SGCG: variants seen among roughly 807,000 people sequenced by gnomAD.
SGCG encodes sarcoglycan gamma.
In SGCG, 26 loss-of-function variants were observed where a neutral mutation model predicts 29.3. The observed-to-expected ratio is 0.89, with a 90% CI of 0.65 to 1.23. SGCG has a LOEUF of 1.23. Among genes scored for constraint, SGCG ranks in the 50% most tolerant of loss-of-function variants. SGCG has a pLI of 0.00. For missense variants in SGCG, 353 were observed against 356.0 expected, an observed-to-expected ratio of 0.99 and a Z score of 0.07; for synonymous variants, 145 against 129.7, an observed-to-expected ratio of 1.12 and a Z score of -0.80.
chr13:23,231,282 G>A (rs778400454), intron 2 of SGCG, among the ~76,000 whole-genome samples: 44 of 151,024 alleles, frequency 2.9e-4, no homozygotes, highest in Non-Finnish European at 1.3e-4. Flanking sequence ...TTGAGTGTCA[G>A]GATAATGCTG....
chr13:23,286,683 TAATAA>T (rs59349511), intron 5 of SGCG, among the ~76,000 whole-genome samples: 1,942 of 120,488 alleles, frequency 0.016, 25 homozygotes, highest in African/African-American at 0.037. Flanking sequence ...CAATAGCTCA[TAATAA>T]AATAAAGCAA....
chr13:23,257,231 T>C (rs1460622929), intron 4 of SGCG, among the ~76,000 whole-genome samples: 1 of 152,174 alleles, frequency 6.6e-6, no homozygotes, highest in African/African-American at 2.4e-5. Context: ...TCGCTTCTTA[T>C]AAATTTGTTT....
At chr13:23,195,781 A>G (rs1877478588) in intron 1 of SGCG, among the ~76,000 whole-genome samples, 1 of 152,020 alleles carries the variant, frequency 6.6e-6, no homozygotes, top group African/African-American at 2.4e-5. Context: ...TGCTATATTT[A>G]GTGTGCTGTG....
intron 6 of SGCG, among the ~76,000 whole-genome samples, chr13:23,296,401 A>G (rs1326499): frequency 0.078 from 11,836 of 152,306 alleles, 606 homozygotes; most frequent in South Asian, 0.13. Context: ...CATTTAGTGT[A>G]TCTCTTTTTT....
At chr13:23,213,695 G>C (rs1241187218) in intron 2 of SGCG, among the ~76,000 whole-genome samples, 4 of 152,160 alleles carry the variant, frequency 2.6e-5, no homozygotes, top group Admixed American at 6.5e-5. Flanking sequence ...AAAACTTACT[G>C]TGATAGTTAT....
intron 1 of SGCG, among the ~76,000 whole-genome samples, chr13:23,186,227 A>G (rs915733789): frequency 3.3e-5 from 5 of 152,162 alleles, no homozygotes; most frequent in Admixed American, 3.3e-4. Flanking sequence ...ACCAGTCCCA[A>G]TGCACTTGTG....
At chr13:23,270,529 T>C (rs1258648875) in intron 4 of SGCG, among the ~76,000 whole-genome samples, 1 of 152,212 alleles carries the variant, frequency 6.6e-6, no homozygotes, top group African/African-American at 2.4e-5. Context: ...AGAATTGTCA[T>C]TTTTTATTCC....
chr13:23,217,136 G>A (rs1029666035), intron 2 of SGCG, among the ~76,000 whole-genome samples: 9 of 152,098 alleles, frequency 5.9e-5, no homozygotes, highest in African/African-American at 2.2e-4. Flanking sequence ...TATTTCATAT[G>A]AGGAGAGGTT....
chr13:23,264,805 A>G (rs545221169), intron 4 of SGCG, among the ~76,000 whole-genome samples: 110 of 152,214 alleles, frequency 7.2e-4, no homozygotes, highest in Middle Eastern at 6.8e-3. Context: ...TTGACAAACC[A>G]TACAAAAACA....
At chr13:23,250,309 G>GCC in intron 3 of SGCG, among the ~76,000 whole-genome samples, 1 of 152,270 alleles carries the variant, frequency 6.6e-6, no homozygotes, top group East Asian at 1.9e-4. Flanking sequence ...TGTTGTAGGT[G>GCC]TCTTTCCTTG....
At chr13:23,216,927 G>A (rs927058400) in intron 2 of SGCG, among the ~76,000 whole-genome samples, 7 of 152,066 alleles carry the variant, frequency 4.6e-5, no homozygotes, top group East Asian at 1.9e-4. Context: ...ATAATATATT[G>A]AGAAGCACAT....
chr13:23,196,092 A>G (rs1386502839), intron 1 of SGCG, among the ~76,000 whole-genome samples: 1 of 152,094 alleles, frequency 6.6e-6, no homozygotes, highest in Non-Finnish European at 1.5e-5. Context: ...TTAACATTAT[A>G]TCACTAGAAT....
intron 1 of SGCG, among the ~76,000 whole-genome samples, chr13:23,200,144 C>A (rs1444574225): frequency 6.6e-6 from 1 of 152,128 alleles, no homozygotes; most frequent in Admixed American, 6.5e-5. Flanking sequence ...CTGGGTTGGC[C>A]GGGCGTGGTG....
intron 6 of SGCG, among the ~76,000 whole-genome samples, chr13:23,299,455 TA>T (rs796832512): frequency 3.8e-5 from 2 of 53,174 alleles, no homozygotes; most frequent in Admixed American, 2.1e-4. Context: ...TATATATATA[TA>T]TTTTTTTTTT....
chr13:23,221,632 T>C (rs114612572), intron 2 of SGCG, among the ~76,000 whole-genome samples: 289 of 152,316 alleles, frequency 1.9e-3, no homozygotes, highest in African/African-American at 6.5e-3. Flanking sequence ...TACATACATG[T>C]GGCACAATGT....
At chr13:23,287,017 G>C (rs563415523) in intron 5 of SGCG, among the ~76,000 whole-genome samples, 1 of 152,330 alleles carries the variant, frequency 6.6e-6, no homozygotes, top group East Asian at 1.9e-4. Context: ...AACATTTAGT[G>C]AACAATGTCC....
intron 5 of SGCG, among the ~76,000 whole-genome samples, chr13:23,293,167 A>G (rs1034907684): frequency 2.0e-5 from 3 of 152,188 alleles, no homozygotes; most frequent in Non-Finnish European, 4.4e-5. Flanking sequence ...CTTAAGTGGT[A>G]TTTTAAGAAA....
chr13:23,298,932 TAAC>T (rs1882013789), intron 6 of SGCG, among the ~76,000 whole-genome samples: 1 of 152,012 alleles, frequency 6.6e-6, no homozygotes, highest in Non-Finnish European at 1.5e-5. Flanking sequence ...TTGAAAAAAA[TAAC>T]AAAACTGCAA....
chr13:23,258,322 G>C (rs1880279821), intron 4 of SGCG, among the ~76,000 whole-genome samples: 1 of 152,068 alleles, frequency 6.6e-6, no homozygotes. Context: ...GTGAATGGGA[G>C]GTCACTCATG....
Sources: allele counts gnomAD v4.1 joint callset (sites outside exome capture counted in the v4.1 genomes callset), GRCh38; gene constraint gnomAD v4.1.1; transcripts MANE v1.5; gene names NCBI Gene and HGNC (gene_info 2026-07-23, HGNC 2026-07-21).